The following CHSY3 variants were observed in gnomAD, a reference collection of about 807,000 sequenced individuals.
CHSY3 encodes the protein chondroitin sulfate synthase 3.
CHSY3 carries 35 observed loss-of-function variants against 67.2 expected under a neutral mutation model. That is an observed-to-expected ratio of 0.52 (90% CI 0.40 to 0.69). CHSY3 has a LOEUF of 0.69. Ranked by LOEUF, CHSY3 falls within the 30% of genes least tolerant of loss-of-function variation. The pLI is 0.00. For synonymous variants in CHSY3, 474 were observed against 434.7 expected, an observed-to-expected ratio of 1.09 and a Z score of -1.12; for missense variants, 1,069 against 1,138.5, an observed-to-expected ratio of 0.94 and a Z score of 0.88.
At chr5:129,999,599 CTT>C (rs1763660018) in intron 2 of CHSY3, among the ~76,000 whole-genome samples, 1 of 152,150 alleles carries the variant, frequency 6.6e-6, no homozygotes, top group Non-Finnish European at 1.5e-5. Context: ...TCAGACCCTT[CTT>C]TTCCCTATAG....
At chr5:130,164,841 A>G (rs1769688279) in intron 2 of CHSY3, among the ~76,000 whole-genome samples, 1 of 152,198 alleles carries the variant, frequency 6.6e-6, no homozygotes, top group Non-Finnish European at 1.5e-5. Flanking sequence ...GGCACCTAGT[A>G]CCAGGAGACA....
intron 2 of CHSY3, among the ~76,000 whole-genome samples, chr5:129,954,663 A>G (rs541870140): frequency 6.6e-6 from 1 of 152,086 alleles, no homozygotes; most frequent in South Asian, 2.1e-4. Flanking sequence ...TTCCTTGAGC[A>G]GTGGTTTCTG....
chr5:130,123,757 TAAAGA>T (rs1319062585), intron 2 of CHSY3, among the ~76,000 whole-genome samples: 1 of 151,904 alleles, frequency 6.6e-6, no homozygotes, highest in Non-Finnish European at 1.5e-5. Context: ...TGACAAAATA[TAAAGA>T]AGTAAACAGT....
chr5:130,144,317 G>A (rs897986163), intron 2 of CHSY3, among the ~76,000 whole-genome samples: 3 of 151,950 alleles, frequency 2.0e-5, no homozygotes, highest in African/African-American at 7.3e-5. Flanking sequence ...CAAATATATG[G>A]TTATTTGCTG....
At chr5:129,977,219 A>G (rs894562883) in intron 2 of CHSY3, among the ~76,000 whole-genome samples, 6 of 152,172 alleles carry the variant, frequency 3.9e-5, no homozygotes, top group Admixed American at 2.0e-4. Flanking sequence ...CCCAAAGGTC[A>G]CACACTTTTC....
chr5:130,162,123 A>C (rs1314766675), intron 2 of CHSY3, among the ~76,000 whole-genome samples: 1 of 151,764 alleles, frequency 6.6e-6, no homozygotes, highest in Non-Finnish European at 1.5e-5. Context: ...TTATTTGGTC[A>C]ATTAATTTTA....
intron 2 of CHSY3, chr5:130,140,697 A>G (rs138282688): frequency 2.0e-5 from 6 of 306,992 alleles, no homozygotes; most frequent in Non-Finnish European, 3.6e-5. Flanking sequence ...ATAGCCACCC[A>G]CTTGGGTTGA....
intron 2 of CHSY3, among the ~76,000 whole-genome samples, chr5:130,132,843 A>G (rs1768526388): frequency 6.6e-6 from 1 of 152,152 alleles, no homozygotes; most frequent in Non-Finnish European, 1.5e-5. Context: ...CACACACACA[A>G]CAAATAATTT....
At chr5:130,100,242 C>T (rs1267003666) in intron 2 of CHSY3, among the ~76,000 whole-genome samples, 4 of 152,060 alleles carry the variant, frequency 2.6e-5, no homozygotes, top group Non-Finnish European at 4.4e-5. Context: ...AGTGCAGTCG[C>T]GCGATCTCCG....
At chr5:130,082,706 G>A (rs532537441) in intron 2 of CHSY3, among the ~76,000 whole-genome samples, 1 of 152,012 alleles carries the variant, frequency 6.6e-6, no homozygotes, top group South Asian at 2.1e-4. Flanking sequence ...GGATAGGAAG[G>A]CATGTTGGCA....
chr5:130,083,514 A>C (rs1766509578), intron 2 of CHSY3, among the ~76,000 whole-genome samples: 1 of 152,062 alleles, frequency 6.6e-6, no homozygotes, highest in Non-Finnish European at 1.5e-5. Flanking sequence ...TTCATTACCT[A>C]GCCATAAATA....
In CHSY3 at chr5:129,904,919, G is replaced by A. The variant is rs1286558745; in HGVS notation, c.90G>A (p.Arg30=). The stretch of plus-strand genomic sequence containing the variant: ...CCGCGTCCTGGCTCATCGCCCCCAG[G>A]GTGGCGGAGCTGAGCGAGAGGAAGA... ...FTAASWLIAP[R]VAELSERKRR... Residue 30 remains arginine, a synonymous_variant, in exon 1 of 3, where the codon AGG becomes AGA. Coordinates refer to ENST00000305031, the MANE Select transcript of CHSY3 (RefSeq NM_175856.5). 2 of 1,539,802 alleles carry A rather than the reference G, an allele frequency of 1.3e-6. No individual in the cohort carries two copies. Among genetic ancestry groups the A allele is most frequent in the East Asian group, 2.4e-5 (1 of 41,028 alleles).
rs567841224 is a variant in CHSY3, at chr5:130,148,495, T to G, written c.1087-35734T>G. Among the ~76,000 whole-genome samples the G allele has an allele frequency of 7.2e-5, 11 of 152,302 alleles. No individual in the cohort carries two copies. In the South Asian group the frequency reaches 2.3e-3, roughly 32 times the overall value. Reference sequence around the variant, plus strand: ...CACTGTTTTCCACAATGGTTAAAGCTAATTTACACTCCCACCAATACTGTG... The same window carrying G: ...CACTGTTTTCCACAATGGTTAAAGCGAATTTACACTCCCACCAATACTGTG... On this transcript the variant is annotated intron_variant, in intron 2 of 2. Transcript: ENST00000305031.
rs1344443611 is a variant in CHSY3, at chr5:129,906,125, A to G, written c.802+494A>G. Among the ~76,000 whole-genome samples the G allele has an allele frequency of 2.6e-5, 4 of 152,232 alleles. No homozygotes were observed. In the South Asian group the frequency reaches 6.2e-4, roughly 24 times the overall value. On this transcript the variant is annotated intron_variant, in intron 1 of 2. Transcript: ENST00000305031. ...TTGCTCTTTTGTTTAAACTGGATCT[A>G]GCGCACTTTTGGAACTGCTCAGATT...
Position 129,935,297 on chromosome 5 carries a change from TAAG to T in CHSY3, c.1086+26942_1086+26944del, listed in dbSNP as rs201102754. On this transcript the variant is annotated intron_variant, in intron 2 of 2. Coordinates refer to ENST00000305031, the MANE Select transcript of CHSY3 (RefSeq NM_175856.5). ...AGTCACATATACGTGAAATATGAAA[TAAG>T]AAGATCAAAGACGTTTTTTGTTTAA... Among the ~76,000 whole-genome samples, 58 of 152,266 alleles carry T rather than the reference TAAG, an allele frequency of 3.8e-4. No individual in the cohort carries two copies. The East Asian group carries it at 0.011, about 28-fold the overall frequency.
At chr5:130,169,007 G>T (rs542603091) in intron 2 of CHSY3, among the ~76,000 whole-genome samples, 12 of 152,264 alleles carry the variant, frequency 7.9e-5, no homozygotes, top group African/African-American at 2.9e-4. Context: ...GCTGCGAGTA[G>T]GAGAGGGAGC....
At chr5:130,023,872 G>A (rs1209416127) in intron 2 of CHSY3, among the ~76,000 whole-genome samples, 2 of 151,738 alleles carry the variant, frequency 1.3e-5, no homozygotes, top group African/African-American at 4.8e-5. Context: ...TAAATACACA[G>A]CATTATAGCA....
chr5:130,019,032 T>C (rs1222175634), intron 2 of CHSY3, among the ~76,000 whole-genome samples: 1 of 152,132 alleles, frequency 6.6e-6, no homozygotes, highest in Non-Finnish European at 1.5e-5. Context: ...GCTGACACCA[T>C]GTTTCTTGTA....
intron 2 of CHSY3, among the ~76,000 whole-genome samples, chr5:130,177,448 G>A (rs867830175): frequency 3.9e-5 from 6 of 151,948 alleles, no homozygotes. Flanking sequence ...AGTTCTCTGA[G>A]AAATGAGCTT....
Sources: gnomAD v4.1 joint callset for allele counts (sites outside exome capture counted in the v4.1 genomes callset) on GRCh38, gnomAD v4.1.1 for gene constraint, MANE v1.5 for transcripts, NCBI Gene and HGNC (gene_info 2026-07-23, HGNC 2026-07-21) for gene names.